UTRN: variants seen among roughly 807,000 people sequenced by gnomAD.
UTRN encodes dystrophin-related protein 1.
Under a neutral mutation model 463.9 loss-of-function variants are expected in UTRN, and 283 were observed. That is an observed-to-expected ratio of 0.61 (90% confidence interval 0.55 to 0.67). UTRN has a LOEUF of 0.67. UTRN is among the 30% of genes least tolerant of loss of function. The pLI, the probability that UTRN is intolerant of heterozygous loss-of-function variation, is 0.00. For synonymous variants in UTRN, 1,442 were observed against 1,431.5 expected (o/e 1.01, Z -0.17); for missense variants, 3,922 against 4,084.3 (o/e 0.96, Z 1.08).
intron 48 of UTRN, among the ~76,000 whole-genome samples, chr6:144,551,784 C>T (rs1216076620): frequency 6.6e-6 from 1 of 152,142 alleles, no homozygotes; most frequent in Admixed American, 6.5e-5. Context: ...GCCCTCAGCC[C>T]GGCCTGTAAT....
At chr6:144,451,527 T>C in intron 18 of UTRN, 34 bp downstream of exon 18, 3 of 1,576,686 alleles carry the variant, frequency 1.9e-6, no homozygotes, top group Middle Eastern at 1.7e-4. Context: ...TCCTAGTGCA[T>C]AAAATAGTTC....
intron 7 of UTRN, 36 bp downstream of exon 7, chr6:144,426,495 A>G (rs1584737461): frequency 6.4e-7 from 1 of 1,574,426 alleles, no homozygotes; most frequent in African/African-American, 1.4e-5. Flanking sequence ...GGGCTTTACA[A>G]ATTCATGTCT....
intron 51 of UTRN, among the ~76,000 whole-genome samples, chr6:144,643,319 G>A (rs1585743171): frequency 6.6e-6 from 1 of 152,266 alleles, no homozygotes; most frequent in South Asian, 2.1e-4. Context: ...GAGAGGAATG[G>A]AAAATAATGT....
At chr6:144,398,702 C>T (rs1782670944) in intron 2 of UTRN, 1 of 154,342 alleles carries the variant, frequency 6.5e-6, no homozygotes, top group Admixed American at 6.5e-5. Context: ...CGGGCTTCTT[C>T]TCTCAGAAGA....
chr6:144,541,348 A>G (rs1797962542), intron 45 of UTRN, among the ~76,000 whole-genome samples: 1 of 152,230 alleles, frequency 6.6e-6, no homozygotes, highest in South Asian at 2.1e-4. Flanking sequence ...CAGTCGGAGC[A>G]CACATATTTA....
rs557165163 is a variant in UTRN at position 144,812,322 on chromosome 6, C to T, written c.9358-8560C>T. ...GTCCTTTGAGCTGACCTAGTAAAGC[C>T]GTTTATTCAAGGATCACTTGATTAT... On this transcript the variant is annotated intron_variant, in intron 65 of 74. Coordinates refer to ENST00000367545, the MANE Select transcript of UTRN (RefSeq NM_007124.3). 1.9e-3 allele frequency among the ~76,000 whole-genome samples: 283 copies of T among 152,028 alleles called. 2 individuals are homozygous for T. Among genetic ancestry groups the T allele is most frequent in the Non-Finnish European group, 3.1e-3 (212 of 67,982 alleles).
intron 51 of UTRN, among the ~76,000 whole-genome samples, chr6:144,636,524 C>T (rs1317864024): frequency 6.6e-6 from 1 of 151,618 alleles, no homozygotes; most frequent in African/African-American, 2.4e-5. Flanking sequence ...GCACATGTAT[C>T]CCAGGACTTA....
At chr6:144,522,312 T>G in intron 40 of UTRN, 141 bp downstream of exon 40, 2 of 605,586 alleles carry the variant, frequency 3.3e-6, no homozygotes. Context: ...CTAGTAAAGC[T>G]TTCCTATATT....
Position 144,447,892 on chromosome 6 carries a change from C to A in UTRN, c.1902+111C>A, listed in dbSNP as rs533952938. The stretch of plus-strand genomic sequence containing the variant: ...TAAACTAAAAAGTTGTTTCCTTACA[C>A]CTGATGAAAAATTGACATGTGAAAA... On this transcript the variant is annotated intron_variant, in intron 16 of 74. Transcript: ENST00000367545. 14 of 1,073,898 alleles carry A rather than the reference C, an allele frequency of 1.3e-5. No individual in the cohort carries two copies. The African/African-American group carries it at 1.9e-4, about 15-fold the overall frequency. 66.5% of individuals were successfully genotyped at this position (1,073,898 alleles called of 1,614,324 possible).
chr6:144,690,598 C>A (rs576597294), intron 52 of UTRN, among the ~76,000 whole-genome samples: 2 of 152,164 alleles, frequency 1.3e-5, no homozygotes, highest in East Asian at 3.9e-4. Context: ...CATCTCTTAA[C>A]CTGCGACCCG....
At position 144,510,988 on chromosome 6, in the gene UTRN, C is replaced by T; in HGVS notation, c.4809C>T (p.Thr1603=). The T allele has an allele frequency of 6.2e-7, 1 of 1,609,230 alleles. No homozygotes were observed. The highest frequency in any genetic ancestry group is 8.5e-7 in the Non-Finnish European group (1 of 1,177,144). The change falls in exon 35 of 75, where the codon ACC becomes ACT. Residue 1603 remains threonine, a synonymous_variant. Coordinates refer to ENST00000367545, the MANE Select transcript of UTRN (RefSeq NM_007124.3). The part of the protein sequence containing the change: ...DLEKRKADLN[T]ITESSAALQN... Reference sequence around the variant, plus strand: ...AAAAGAGAAAAGCTGATTTAAATACCATCACAGAGAGTAGTGCTGCCCTGC... The same window carrying T: ...AAAAGAGAAAAGCTGATTTAAATACTATCACAGAGAGTAGTGCTGCCCTGC...
intron 53 of UTRN, among the ~76,000 whole-genome samples, chr6:144,727,860 C>T (rs1314816186): frequency 6.6e-6 from 1 of 152,106 alleles, no homozygotes; most frequent in African/African-American, 2.4e-5. Flanking sequence ...GAGGCCAAGG[C>T]AGGTGGATCA....
chr6:144,655,603 C>A (rs1585813346), intron 51 of UTRN, among the ~76,000 whole-genome samples: 1 of 152,182 alleles, frequency 6.6e-6, no homozygotes, highest in Admixed American at 6.5e-5. Flanking sequence ...ATATGCTTCA[C>A]TTTAGAGGCT....
At chr6:144,452,710 G>T (rs1028670996) in intron 18 of UTRN, among the ~76,000 whole-genome samples, 1 of 151,862 alleles carries the variant, frequency 6.6e-6, no homozygotes, top group African/African-American at 2.4e-5. Flanking sequence ...CAAGGCAGGA[G>T]GATTGCTTGA....
chr6:144,721,346 C>A (rs768256431), intron 53 of UTRN, among the ~76,000 whole-genome samples: 6 of 152,098 alleles, frequency 3.9e-5, no homozygotes, highest in Non-Finnish European at 8.8e-5. Context: ...GCAGCTGAGA[C>A]TATAGGTGCA....
At chr6:144,517,447 G>A (rs1436737414) in intron 39 of UTRN, among the ~76,000 whole-genome samples, 2 of 151,238 alleles carry the variant, frequency 1.3e-5, no homozygotes. Context: ...ATCCTCCTAT[G>A]TCAGTCTCCC....
chr6:144,537,628 G>C lies in UTRN; in HGVS notation c.6280G>C (p.Asp2094His), dbSNP rs1797649531. Residue 2094 changes from aspartate to histidine, a missense_variant, in exon 44 of 75, where the codon GAT (aspartate) becomes CAT (histidine). Asp to His is a moderately conservative substitution (Grantham distance 81). Coordinates refer to ENST00000367545, the MANE Select transcript of UTRN (RefSeq NM_007124.3). ...GGTGATGAAGTACAGGCATCAGCTA[G>C]ATGAGATTATCTGTTGGTTAACAAA... is the stretch of plus-strand genomic sequence containing the variant. ...KQVMKYRHQL[D>H]EIICWLTKAE... 6.2e-7 allele frequency: 1 copy of C among 1,612,126 alleles called. No individual in the cohort carries two copies. Among genetic ancestry groups the C allele is most frequent in the African/African-American group, 1.3e-5 (1 of 74,750 alleles).
At chr6:144,427,747 T>C (rs1785419340) in intron 7 of UTRN, among the ~76,000 whole-genome samples, 1 of 152,220 alleles carries the variant, frequency 6.6e-6, no homozygotes, top group Admixed American at 6.5e-5. Flanking sequence ...TTTTAGCCAA[T>C]ATACCATTCC....
At chr6:144,376,211 C>G (rs1780447462) in intron 2 of UTRN, among the ~76,000 whole-genome samples, 1 of 152,020 alleles carries the variant, frequency 6.6e-6, no homozygotes, top group Non-Finnish European at 1.5e-5. Flanking sequence ...AATCCCAGCA[C>G]TTTGGGAGGC....
Sources: gnomAD v4.1 joint callset for allele counts (sites outside exome capture counted in the v4.1 genomes callset) on GRCh38, gnomAD v4.1.1 for gene constraint, MANE v1.5 for transcripts, NCBI Gene and HGNC (gene_info 2026-07-23, HGNC 2026-07-21) for gene names.